Variants in EPHA5 observed in about 807,000 individuals in gnomAD.
EPHA5 encodes EPH receptor A5.
In EPHA5, 60 loss-of-function variants were observed where a neutral mutation model predicts 105.0. The ratio of observed to expected loss-of-function variants is 0.57; its 90% CI spans 0.46 to 0.71. The LOEUF (loss-of-function observed/expected upper bound fraction) is 0.71. Ranked by LOEUF, EPHA5 falls within the 30% of genes least tolerant of loss-of-function variation. EPHA5 has a pLI of 0.00. For missense variants in EPHA5, 1,218 were observed against 1,274.7 expected (o/e 0.96, Z 0.68); for synonymous variants, 513 against 449.1 (o/e 1.14, Z -1.80).
chr4:65,364,195 T>C (rs1440139124), intron 11 of EPHA5, among the ~76,000 whole-genome samples: 3 of 151,656 alleles, frequency 2.0e-5, no homozygotes, highest in Non-Finnish European at 4.4e-5. Flanking sequence ...CATTCCTCTC[T>C]GAGCATGCTT....
rs1021131175 is a variant in EPHA5, at chr4:65,373,279, T to C, written c.1794-5855A>G. On this transcript the variant is annotated intron_variant, in intron 8 of 16. Transcript: ENST00000613740. ...CCATTGAAATTTAATATACTCTATATACATGTCAAACAACACCCCCATCTG... is the reference window on the plus strand; with the variant it reads ...CCATTGAAATTTAATATACTCTATACACATGTCAAACAACACCCCCATCTG... Among the ~76,000 whole-genome samples the C allele has an allele frequency of 9.2e-5, 14 of 151,964 alleles. No individual in the cohort carries two copies. In the East Asian group the frequency reaches 2.3e-3, roughly 25 times the overall value.
chr4:65,445,798 T>A (rs1726460443), intron 5 of EPHA5, among the ~76,000 whole-genome samples: 1 of 152,184 alleles, frequency 6.6e-6, no homozygotes, highest in Admixed American at 6.6e-5. Flanking sequence ...CAAATCCACA[T>A]ATGGATAAAA....
chr4:65,348,242 T>G (rs1560437119), intron 13 of EPHA5, 39 bp from the exon 14 acceptor site: 1 of 1,575,616 alleles, frequency 6.3e-7, no homozygotes, highest in Non-Finnish European at 8.6e-7. Flanking sequence ...CCTACATACT[T>G]CAAATGTGCC....
chr4:65,523,092 A>G (rs1297267604), intron 3 of EPHA5, among the ~76,000 whole-genome samples: 3 of 151,980 alleles, frequency 2.0e-5, no homozygotes, highest in African/African-American at 7.2e-5. Context: ...TCAGTCACAC[A>G]GCACTGGTGG....
At chr4:65,571,584 A>G (rs1234452619) in intron 3 of EPHA5, among the ~76,000 whole-genome samples, 2 of 152,090 alleles carry the variant, frequency 1.3e-5, no homozygotes, top group East Asian at 1.9e-4. Flanking sequence ...CCTAAACAGT[A>G]TTATCATTTC....
intron 1 of EPHA5, among the ~76,000 whole-genome samples, chr4:65,647,430 G>A (rs911159782): frequency 4.0e-5 from 6 of 151,860 alleles, no homozygotes; most frequent in African/African-American, 1.5e-4. Context: ...TTAAAAAGAG[G>A]GGATTGGCAG....
chr4:65,324,562 A>G (rs1012779257), intron 16 of EPHA5, among the ~76,000 whole-genome samples: 2 of 151,246 alleles, frequency 1.3e-5, no homozygotes, highest in African/African-American at 4.8e-5. Flanking sequence ...GAAACTGCAG[A>G]TTTACAATAT....
At chr4:65,388,430 A>C (rs977482974) in intron 8 of EPHA5, among the ~76,000 whole-genome samples, 7 of 150,920 alleles carry the variant, frequency 4.6e-5, no homozygotes, top group Non-Finnish European at 7.4e-5. Context: ...TTACAGTCCC[A>C]CCAACAGTGT....
intron 1 of EPHA5, among the ~76,000 whole-genome samples, chr4:65,647,328 C>CAAA (rs55995799): frequency 6.0e-3 from 418 of 70,034 alleles, no homozygotes; most frequent in Non-Finnish European, 7.7e-3. Context: ...GACTCTGTCT[C>CAAA]AAAAAAAAAA....
At position 65,542,894 on chromosome 4, in the gene EPHA5, C is replaced by G. The variant is rs1736984401; in HGVS notation, c.911-47351G>C. ...TCACTATGATCATGTTGGTTTCAGC[C>G]CTGGGATGCAAGGCTGGTTCAATAT... is the stretch of plus-strand genomic sequence containing the variant. On this transcript the variant is annotated intron_variant, in intron 3 of 16. Transcript: ENST00000613740. 2.0e-5 allele frequency among the ~76,000 whole-genome samples: 3 copies of G among 152,094 alleles called. No individual in the cohort carries two copies. The South Asian group carries it at 6.2e-4, about 32-fold the overall frequency.
intron 8 of EPHA5, among the ~76,000 whole-genome samples, chr4:65,367,763 A>G (rs1718061099): frequency 6.6e-6 from 1 of 151,924 alleles, no homozygotes; most frequent in Non-Finnish European, 1.5e-5. Context: ...TTCAAAAGCC[A>G]CTGCCTCTTT....
rs934391818 is a variant in EPHA5 at position 65,474,193 on chromosome 4, C to T, written c.1402+16184G>A. Among the ~76,000 whole-genome samples, 3 of 152,016 alleles carry T rather than the reference C, an allele frequency of 2.0e-5. 1 individual carries two copies. The South Asian group carries it at 6.2e-4, about 32-fold the overall frequency. ...AACAATAATAATAAAGAAATGAATT[C>T]TTTTTAATATGAATATACTGTAGAT... On this transcript the variant is annotated intron_variant, in intron 5 of 16. Coordinates refer to ENST00000613740, the MANE Select transcript of EPHA5 (RefSeq NM_001281766.3).
intron 5 of EPHA5, among the ~76,000 whole-genome samples, chr4:65,454,711 C>A (rs1727405217): frequency 6.6e-6 from 1 of 152,120 alleles, no homozygotes; most frequent in African/African-American, 2.4e-5. Context: ...CTTAAATTGA[C>A]CTGACAGAAC....
At chr4:65,562,452 G>A (rs1739109764) in intron 3 of EPHA5, among the ~76,000 whole-genome samples, 1 of 151,950 alleles carries the variant, frequency 6.6e-6, no homozygotes, top group South Asian at 2.1e-4. Flanking sequence ...GAAAAAAGAT[G>A]CATTTGGCTC....
At chr4:65,501,508 C>T (rs2149241745) in intron 3 of EPHA5, among the ~76,000 whole-genome samples, 1 of 151,334 alleles carries the variant, frequency 6.6e-6, no homozygotes, top group East Asian at 1.9e-4. Context: ...TTCACAATAG[C>T]CACAAAAAGA....
intron 5 of EPHA5, among the ~76,000 whole-genome samples, chr4:65,483,927 A>G (rs1049361990): frequency 6.6e-6 from 1 of 152,204 alleles, no homozygotes; most frequent in Non-Finnish European, 1.5e-5. Flanking sequence ...GCCGTCATAA[A>G]GAACATGGAA....
chr4:65,396,781 C>A (rs571616486), intron 8 of EPHA5, among the ~76,000 whole-genome samples: 1 of 152,186 alleles, frequency 6.6e-6, no homozygotes, highest in South Asian at 2.1e-4. Flanking sequence ...GACAACTGAT[C>A]CTGAAGGATA....
intron 14 of EPHA5, among the ~76,000 whole-genome samples, chr4:65,340,083 T>A (rs1437913012): frequency 2.0e-5 from 3 of 152,148 alleles, no homozygotes; most frequent in Non-Finnish European, 4.4e-5. Flanking sequence ...TGACATGGTA[T>A]AAATACTCTC....
At chr4:65,417,351 T>C (rs1310543941) in intron 6 of EPHA5, among the ~76,000 whole-genome samples, 4 of 152,138 alleles carry the variant, frequency 2.6e-5, no homozygotes, top group African/African-American at 9.7e-5. Flanking sequence ...GACCCCTAAC[T>C]CAATACATGG....
Sources: allele counts gnomAD v4.1 joint callset (sites outside exome capture counted in the v4.1 genomes callset), GRCh38; gene constraint gnomAD v4.1.1; transcripts MANE v1.5; gene names NCBI Gene and HGNC (gene_info 2026-07-23, HGNC 2026-07-21).